Variants in PDE10A observed in about 807,000 individuals in gnomAD.
PDE10A encodes phosphodiesterase 10A, also known as cAMP and cAMP-inhibited cGMP 3',5'-cyclic phosphodiesterase 10A.
PDE10A carries 39 observed loss-of-function variants against 97.7 expected under a neutral mutation model. That is an observed-to-expected ratio of 0.40 (90% CI 0.31 to 0.52). The LOEUF (loss-of-function observed/expected upper bound fraction) is 0.52, where lower values mean the gene tolerates loss of function less well. PDE10A is among the 20% of genes least tolerant of loss of function. PDE10A has a pLI of 0.56. For synonymous variants in PDE10A, 371 were observed against 376.8 expected (o/e 0.98, Z 0.18); for missense variants, 731 against 1,047.8 (o/e 0.70, Z 4.17).
chr6:165,548,291 T>TC (rs1257330266), intron 1 of PDE10A, among the ~76,000 whole-genome samples: 1 of 148,562 alleles, frequency 6.7e-6, no homozygotes, highest in East Asian at 1.9e-4. Flanking sequence ...TTTTTTTTTT[T>TC]TTTTTTTTTT....
chr6:165,589,472 G>C (rs1209862871), intron 1 of PDE10A, among the ~76,000 whole-genome samples: 1 of 152,096 alleles, frequency 6.6e-6, no homozygotes, highest in African/African-American at 2.4e-5. Flanking sequence ...GTAAAATAAA[G>C]ACAATCAAAA....
Position 165,711,958 on chromosome 6 carries a change from C to T in PDE10A, c.-614-168390G>A, listed in dbSNP as rs1480395471. 6.6e-6 allele frequency among the ~76,000 whole-genome samples: 1 copy of T among 152,156 alleles called. No homozygotes were observed. Among genetic ancestry groups the T allele is most frequent in the Non-Finnish European group, 1.5e-5 (1 of 68,042 alleles). On this transcript the variant is annotated intron_variant, in intron 1 of 19. Transcript: ENST00000366882. This position sits in a 1 kb window ranked among gnomAD's most constrained non-coding sequence, Gnocchi z 4.5. ...ACAAGTGTTTAATATTTGAAAGAAA[C>T]ATCCAACTCTTGGACCCCACAGGTG...
chr6:165,406,673 T>A (rs537902789), intron 13 of PDE10A, among the ~76,000 whole-genome samples: 1 of 152,112 alleles, frequency 6.6e-6, no homozygotes, highest in Admixed American at 6.5e-5. Context: ...AGGTAGAGCA[T>A]GATTTCTGGG....
chr6:165,437,320 A>G lies in PDE10A; in HGVS notation c.1195-1943T>C, dbSNP rs1790098730. ...TTATACATAGCTTCATAATCCAATA[A>G]TAACAGACTATCTTATACATTCCTA... On this transcript the variant is annotated intron_variant, in intron 5 of 21. Transcript: ENST00000539869. Among the ~76,000 whole-genome samples the G allele has an allele frequency of 2.0e-5, 3 of 152,210 alleles. No homozygotes were observed. The South Asian group carries it at 6.2e-4, about 32-fold the overall frequency.
intron 8 of PDE10A, 24 bp downstream of exon 8, chr6:165,431,398 T>TG: frequency 6.4e-7 from 1 of 1,568,902 alleles, no homozygotes; most frequent in Non-Finnish European, 8.7e-7. Flanking sequence ...AGGAAGCCCC[T>TG]GCAAAAACAC....
intron 2 of PDE10A, among the ~76,000 whole-genome samples, chr6:165,510,631 T>TTC (rs1781454464): frequency 1.3e-5 from 2 of 152,052 alleles, no homozygotes; most frequent in African/African-American, 4.8e-5. Flanking sequence ...TTTGGCAGAA[T>TTC]TCAACAGTGA....
intron 16 of PDE10A, among the ~76,000 whole-genome samples, chr6:165,389,481 G>C (rs960730132): frequency 1.3e-5 from 2 of 152,084 alleles, no homozygotes; most frequent in African/African-American, 4.8e-5. Flanking sequence ...GACATGAGGA[G>C]GGGTCAAGTA....
chr6:165,919,856 G>A (rs1274151843), intron 1 of PDE10A, among the ~76,000 whole-genome samples: 2 of 152,160 alleles, frequency 1.3e-5, no homozygotes, highest in African/African-American at 2.4e-5. Flanking sequence ...GAAGTCAGAC[G>A]GAAGCAGAAC....
chr6:165,680,122 A>C (rs1470885866), intron 1 of PDE10A, among the ~76,000 whole-genome samples: 2 of 152,178 alleles, frequency 1.3e-5, no homozygotes, highest in East Asian at 3.9e-4. Flanking sequence ...CTGAGATGGA[A>C]AAAGAAAACA....
intron 1 of PDE10A, among the ~76,000 whole-genome samples, chr6:165,758,661 G>A (rs1246213114): frequency 6.7e-6 from 1 of 150,094 alleles, no homozygotes; most frequent in Non-Finnish European, 1.5e-5. Flanking sequence ...GGAGGAGGAG[G>A]AAGAGGAGGA....
At chr6:165,750,622 T>C (rs557548986) in intron 1 of PDE10A, among the ~76,000 whole-genome samples, 1 of 152,330 alleles carries the variant, frequency 6.6e-6, no homozygotes, top group Non-Finnish European at 1.5e-5. Context: ...CCACAGGAAG[T>C]ACAAAGCACA....
chr6:165,535,949 G>T (rs1783058697), intron 2 of PDE10A, among the ~76,000 whole-genome samples: 1 of 151,814 alleles, frequency 6.6e-6, no homozygotes, highest in Non-Finnish European at 1.5e-5. Context: ...ATTGTTCACA[G>T]AAATAGACAA....
chr6:165,731,253 A>C (rs1345495131), intron 1 of PDE10A, among the ~76,000 whole-genome samples: 22 of 152,192 alleles, frequency 1.4e-4, no homozygotes, highest in Admixed American at 1.2e-3. Flanking sequence ...CAGGAAACTC[A>C]TGAGTCAAAA....
intron 3 of PDE10A, among the ~76,000 whole-genome samples, chr6:165,458,165 T>C (rs567007064): frequency 1.3e-5 from 2 of 152,338 alleles, no homozygotes; most frequent in Non-Finnish European, 2.9e-5. Flanking sequence ...ATGTTTTATT[T>C]TGACATAATT....
At chr6:165,745,405 A>C (rs1421722046) in intron 1 of PDE10A, among the ~76,000 whole-genome samples, 2 of 152,220 alleles carry the variant, frequency 1.3e-5, no homozygotes, top group Non-Finnish European at 2.9e-5. Flanking sequence ...TTTACTTAAT[A>C]AGCCCTTAAA....
intron 5 of PDE10A, among the ~76,000 whole-genome samples, chr6:165,440,060 A>C (rs371523516): frequency 6.6e-6 from 1 of 152,180 alleles, no homozygotes; most frequent in Non-Finnish European, 1.5e-5. Context: ...TTAAGAAGAA[A>C]AAAAAAGTAT....
intron 3 of PDE10A, among the ~76,000 whole-genome samples, chr6:165,477,044 G>C (rs904998599): frequency 2.0e-5 from 3 of 152,168 alleles, no homozygotes; most frequent in Non-Finnish European, 4.4e-5. Context: ...TTGTGGATTA[G>C]ATGGGAACAA....
intron 1 of PDE10A, among the ~76,000 whole-genome samples, chr6:165,984,130 A>G (rs2128504631): frequency 6.6e-6 from 1 of 152,358 alleles, no homozygotes. Flanking sequence ...GCCAAATACA[A>G]AGGATATAAT....
chr6:165,715,219 G>T (rs533989253), intron 1 of PDE10A, among the ~76,000 whole-genome samples: 2 of 152,358 alleles, frequency 1.3e-5, no homozygotes, highest in Admixed American at 6.5e-5. Flanking sequence ...GCAGCAGGTG[G>T]CGAGGCTTAG....
Sources: gnomAD v4.1 joint callset for allele counts (sites outside exome capture counted in the v4.1 genomes callset) on GRCh38, gnomAD v4.1.1 for gene constraint, Gnocchi (gnomAD v3.1) non-coding constraint, MANE v1.5 for transcripts, NCBI Gene and HGNC (gene_info 2026-07-23, HGNC 2026-07-21) for gene names.